EPM2A: variants seen among roughly 807,000 people sequenced by gnomAD.
EPM2A encodes the protein laforin.
In EPM2A, 21 loss-of-function variants were observed where a neutral mutation model predicts 26.5. The ratio of observed to expected loss-of-function variants is 0.79; its 90% CI spans 0.56 to 1.14. EPM2A has a LOEUF of 1.14. Ranked by LOEUF, EPM2A falls within the 50% of genes most tolerant of loss-of-function variation. The probability of loss-of-function intolerance (pLI) is 0.00; values close to 1 mark genes in which losing one functional copy is unlikely to be tolerated. For missense variants in EPM2A, 458 were observed against 440.8 expected (o/e 1.04, Z -0.35); for synonymous variants, 217 against 177.6 (o/e 1.22, Z -1.76).
chr6:145,526,557 T>G (rs1780276401), intron 2 of EPM2A, among the ~76,000 whole-genome samples: 1 of 152,130 alleles, frequency 6.6e-6, no homozygotes, highest in African/African-American at 2.4e-5. Flanking sequence ...CCATTTCTTC[T>G]AGATTTTCTA....
intron 4 of EPM2A, among the ~76,000 whole-genome samples, chr6:145,388,032 G>A (rs1488302604): frequency 2.0e-5 from 3 of 152,144 alleles, no homozygotes; most frequent in Admixed American, 6.6e-5. Flanking sequence ...TTATCCAACC[G>A]TGATCATAAG....
intron 2 of EPM2A, among the ~76,000 whole-genome samples, chr6:145,661,428 T>A (rs1778700409): frequency 6.6e-6 from 1 of 152,190 alleles, no homozygotes; most frequent in African/African-American, 2.4e-5. Context: ...CACTGCTCTA[T>A]CCTGAGAATG....
At chr6:145,539,839 A>G (rs1780482781) in intron 2 of EPM2A, among the ~76,000 whole-genome samples, 2 of 152,166 alleles carry the variant, frequency 1.3e-5, no homozygotes, top group Non-Finnish European at 2.9e-5. Context: ...TTCACCCCTA[A>G]GTACACCTTT....
At chr6:145,616,260 T>C (rs919577915) in intron 2 of EPM2A, among the ~76,000 whole-genome samples, 1 of 152,238 alleles carries the variant, frequency 6.6e-6, no homozygotes, top group African/African-American at 2.4e-5. Flanking sequence ...GCTCAGGCCA[T>C]GGCTTCAGAG....
chr6:145,491,541 G>A (rs543038068), intron 4 of EPM2A, among the ~76,000 whole-genome samples: 4 of 152,166 alleles, frequency 2.6e-5, no homozygotes, highest in East Asian at 3.9e-4. Flanking sequence ...TTTCTTCTCC[G>A]GTCTCTGCCA....
chr6:145,385,151 T>C (rs61553752), intron 4 of EPM2A, among the ~76,000 whole-genome samples: 8,232 of 147,846 alleles, frequency 0.056, 1,177 homozygotes, highest in African/African-American at 0.15. Context: ...AAATCACTTA[T>C]ACCCATTTAA....
chr6:145,709,301 C>T (rs1187709714), intron 1 of EPM2A, among the ~76,000 whole-genome samples: 1 of 152,030 alleles, frequency 6.6e-6, no homozygotes, highest in Non-Finnish European at 1.5e-5. Flanking sequence ...TGGCTGTGTC[C>T]CCACCCAAAT....
downstream of EPM2A, among the ~76,000 whole-genome samples, chr6:145,624,565 GAA>G (rs952701542): frequency 1.6e-4 from 25 of 152,030 alleles, no homozygotes; most frequent in African/African-American, 6.0e-4. Flanking sequence ...TTTGCAATAG[GAA>G]AAAGTCATTT....
chr6:145,680,576 G>T (rs1183778807), intron 2 of EPM2A, among the ~76,000 whole-genome samples: 1 of 149,572 alleles, frequency 6.7e-6, no homozygotes, highest in South Asian at 2.1e-4. Flanking sequence ...AGAGTGTGAT[G>T]TTCCCCTTCC....
chr6:145,721,508 G>C (rs1176560360), intron 1 of EPM2A: 1 of 152,212 alleles, frequency 6.6e-6, no homozygotes, highest in Admixed American at 6.5e-5. Context: ...CTCACACCTG[G>C]TGAAGGCCCA....
intron 4 of EPM2A, among the ~76,000 whole-genome samples, chr6:145,470,641 G>C (rs35296914): frequency 2.6e-5 from 4 of 152,042 alleles, no homozygotes; most frequent in Admixed American, 6.6e-5. Context: ...ATTTGCTCTA[G>C]GACATTCCTT....
intron 2 of EPM2A, among the ~76,000 whole-genome samples, chr6:145,538,787 C>T (rs980567746): frequency 2.0e-5 from 3 of 152,216 alleles, no homozygotes; most frequent in African/African-American, 4.8e-5. Flanking sequence ...CAGTACTAAA[C>T]TCTAGCTAAA....
chr6:145,703,957 TAAA>T (rs1782075498), intron 1 of EPM2A, among the ~76,000 whole-genome samples: 2 of 152,204 alleles, frequency 1.3e-5, no homozygotes, highest in Admixed American at 1.3e-4. Context: ...TATTATCAGT[TAAA>T]AAGGACATCC....
At chr6:145,702,466 G>T (rs1781969584) in intron 1 of EPM2A, among the ~76,000 whole-genome samples, 1 of 136,132 alleles carries the variant, frequency 7.3e-6, no homozygotes, top group African/African-American at 3.7e-5. Flanking sequence ...TTTCTTATTT[G>T]CAAAAAGAAG....
intron 2 of EPM2A, among the ~76,000 whole-genome samples, chr6:145,508,878 T>C (rs1261227601): frequency 3.3e-5 from 5 of 152,118 alleles, no homozygotes; most frequent in Non-Finnish European, 5.9e-5. Flanking sequence ...AAAGACCACA[T>C]AGTTATATTA....
At chr6:145,467,958 A>G (rs1385291939) in intron 4 of EPM2A, among the ~76,000 whole-genome samples, 1 of 151,856 alleles carries the variant, frequency 6.6e-6, no homozygotes, top group Non-Finnish European at 1.5e-5. Flanking sequence ...AGTTTTTTTC[A>G]GTTTATTTTC....
At chr6:145,661,341 A>T (rs970995791) in intron 2 of EPM2A, among the ~76,000 whole-genome samples, 1 of 152,224 alleles carries the variant, frequency 6.6e-6, no homozygotes, top group African/African-American at 2.4e-5. Flanking sequence ...CTACTTTTGA[A>T]TTTTTCTAGT....
rs1778816444 is a variant in EPM2A at position 145,423,504 on chromosome 6, A to G, written c.556-39407T>C. 2.0e-5 allele frequency among the ~76,000 whole-genome samples: 3 copies of G among 152,206 alleles called. No individual in the cohort carries two copies. In the South Asian group the frequency reaches 6.2e-4, roughly 31 times the overall value. On this transcript the variant is annotated intron_variant, in intron 4 of 4. Coordinates refer to the EPM2A transcript ENST00000638717. The stretch of plus-strand genomic sequence containing the variant: ...AGGGGGAAGCCTGTTCCCCCTGGCC[A>G]CAGTGCTTGTGGAAGAGAAAAGAGA...
chr6:145,573,687 G>T (rs372760834), intron 2 of EPM2A, among the ~76,000 whole-genome samples: 2 of 152,112 alleles, frequency 1.3e-5, no homozygotes, highest in Non-Finnish European at 2.9e-5. Context: ...CTTTCCCACC[G>T]TAATAGCCTT....
Sources: allele counts gnomAD v4.1 joint callset (sites outside exome capture counted in the v4.1 genomes callset), GRCh38; gene constraint gnomAD v4.1.1; transcripts MANE v1.5; gene names NCBI Gene and HGNC (gene_info 2026-07-23, HGNC 2026-07-21).